KCNB2: variants seen among roughly 807,000 people sequenced by gnomAD.
KCNB2 encodes delayed rectifier potassium channel protein.
KCNB2 carries 15 observed loss-of-function variants against 61.5 expected under a neutral mutation model. The observed-to-expected ratio is 0.24, with a 90% confidence interval of 0.16 to 0.38. The LOEUF (loss-of-function observed/expected upper bound fraction) is 0.38, where lower values mean the gene tolerates loss of function less well. Among genes scored for constraint, KCNB2 ranks in the 10% least tolerant of loss-of-function variants. The pLI is 1.00. For synonymous variants in KCNB2, 457 were observed against 446.0 expected (o/e 1.02, Z -0.31); for missense variants, 828 against 1,125.2 (o/e 0.74, Z 3.78).
chr8:72,542,734 G>T (rs897357755), intron 1 of KCNB2, among the ~76,000 whole-genome samples: 1 of 152,082 alleles, frequency 6.6e-6, no homozygotes, highest in Non-Finnish European at 1.5e-5. Context: ...TGAAGGAAGC[G>T]ATATAAGAGT....
chr8:72,737,529 T>C (rs987000317), intron 2 of KCNB2, among the ~76,000 whole-genome samples: 6 of 152,206 alleles, frequency 3.9e-5, no homozygotes, highest in African/African-American at 1.4e-4. Context: ...TGATGTTTTC[T>C]AGTACATAGC....
intron 2 of KCNB2, among the ~76,000 whole-genome samples, chr8:72,763,549 A>G (rs1269000207): frequency 6.6e-6 from 1 of 152,180 alleles, no homozygotes; most frequent in Non-Finnish European, 1.5e-5. Context: ...CTGAAACACA[A>G]AACCCAAGGA....
In KCNB2 at chr8:72,731,540, A is replaced by G. The variant is rs556818364; in HGVS notation, c.579+163227A>G. 9.2e-5 allele frequency among the ~76,000 whole-genome samples: 14 copies of G among 152,354 alleles called. No homozygotes were observed. The South Asian group carries it at 2.9e-3, about 32-fold the overall frequency. ...AGCTTCATATAAAAGTTACTAGTTT[A>G]GGAGCTGCTTTGGGCAAGGCCACTT... On this transcript the variant is annotated intron_variant, in intron 2 of 2. Transcript: ENST00000523207.
intron 2 of KCNB2, among the ~76,000 whole-genome samples, chr8:72,832,731 G>C (rs1046641312): frequency 2.4e-4 from 36 of 152,190 alleles, no homozygotes; most frequent in Non-Finnish European, 2.9e-5. Flanking sequence ...GCAGTAACCA[G>C]AGAATAAGTG....
Position 72,935,918 on chromosome 8 carries a change from A to ACTTTTCC in KCNB2, c.580-11_580-10insCCTTTTC. ...CAACTAAGAGGATTTGCTGACTTGG[A>ACTTTTCC]CTTTTCTCTTTTCCAGATCCTGGCC... On this transcript the variant is annotated splice_polypyrimidine_tract_variant and intron_variant, in intron 2 of 2. Coordinates refer to ENST00000523207, the MANE Select transcript of KCNB2 (RefSeq NM_004770.3). 1 of 1,596,844 alleles carries ACTTTTCC rather than the reference A, an allele frequency of 6.3e-7. No individual in the cohort carries two copies. Among genetic ancestry groups the ACTTTTCC allele is most frequent in the Non-Finnish European group, 8.6e-7 (1 of 1,166,246 alleles).
At chr8:72,841,372 C>CTTTTTTTTTTTTTTTTTTTTTTTTTTT (rs769263287) in intron 2 of KCNB2, among the ~76,000 whole-genome samples, 2 of 34,226 alleles carry the variant, frequency 5.8e-5, no homozygotes, top group East Asian at 4.9e-4. Context: ...TTTTTTTTTT[C>CTTTTTTTTTTTTTTTTTTTTTTTTTTT]TTTTTTTTTT....
At chr8:72,805,148 G>A (rs904286821) in intron 2 of KCNB2, among the ~76,000 whole-genome samples, 1 of 152,132 alleles carries the variant, frequency 6.6e-6, no homozygotes, top group Non-Finnish European at 1.5e-5. Flanking sequence ...CACACGAAGT[G>A]CTCAGAGCCG....
intron 1 of KCNB2, among the ~76,000 whole-genome samples, chr8:72,551,955 G>A (rs4339690): frequency 0.62 from 93,655 of 151,864 alleles, 29,895 homozygotes; most frequent in Admixed American, 0.7. Flanking sequence ...AAATGGAACC[G>A]GGAGCCCAGT....
At chr8:72,884,881 C>T (rs1364775800) in intron 2 of KCNB2, among the ~76,000 whole-genome samples, 2 of 152,128 alleles carry the variant, frequency 1.3e-5, no homozygotes, top group African/African-American at 4.8e-5. Flanking sequence ...TCTTTTTAAC[C>T]TTTTGCTCCT....
At chr8:72,781,496 G>A (rs1422720073) in intron 2 of KCNB2, among the ~76,000 whole-genome samples, 1 of 152,120 alleles carries the variant, frequency 6.6e-6, no homozygotes, top group African/African-American at 2.4e-5. Flanking sequence ...GCTTTTGTCA[G>A]TTTTGTCAAA....
At chr8:72,587,589 G>A (rs1323357358) in intron 2 of KCNB2, among the ~76,000 whole-genome samples, 1 of 152,060 alleles carries the variant, frequency 6.6e-6, no homozygotes, top group Non-Finnish European at 1.5e-5. Flanking sequence ...AATTAGCTGG[G>A]TATGGTGTCC....
In KCNB2 at chr8:72,811,251, ACAACATATATGGTTT is replaced by A. The variant is rs148311657; in HGVS notation, c.580-124681_580-124667del. On this transcript the variant is annotated intron_variant, in intron 2 of 2. Coordinates refer to ENST00000523207, the MANE Select transcript of KCNB2 (RefSeq NM_004770.3). ...TAAAAGTATTTTATCCTTTTCTTCTACAACATATATGGTTTCATTTTTTTAAAACATGTAAATCTC... is the reference window on the plus strand; with the variant it reads ...TAAAAGTATTTTATCCTTTTCTTCTACATTTTTTTAAAACATGTAAATCTC... 8.2e-3 allele frequency among the ~76,000 whole-genome samples: 1,233 copies of A among 150,720 alleles called. 15 individuals carry two copies. Among genetic ancestry groups the A allele is most frequent in the African/African-American group, 0.028 (1,168 of 41,022 alleles).
At chr8:72,891,975 C>A (rs1383099106) in intron 2 of KCNB2, among the ~76,000 whole-genome samples, 1 of 151,976 alleles carries the variant, frequency 6.6e-6, no homozygotes, top group Non-Finnish European at 1.5e-5. Flanking sequence ...AATTTGGGAG[C>A]CTGGCAGGTG....
intron 2 of KCNB2, among the ~76,000 whole-genome samples, chr8:72,930,858 A>G (rs1208206748): frequency 6.6e-6 from 1 of 152,208 alleles, no homozygotes; most frequent in African/African-American, 2.4e-5. Context: ...TGTTTTAGAC[A>G]TGAAGTCCTT....
rs567629480 is a variant in KCNB2 at position 72,549,003 on chromosome 8, C to A, written c.-94+11118C>A. ...AGCCTTTTTCATTGTTATTTCTCAC[C>A]CTTATCCTCCCTGAAGAGTGGGCTG... On this transcript the variant is annotated intron_variant, in intron 1 of 2. Coordinates refer to ENST00000523207, the MANE Select transcript of KCNB2 (RefSeq NM_004770.3). Among the ~76,000 whole-genome samples the A allele has an allele frequency of 1.4e-4, 21 of 152,284 alleles. No homozygotes were observed. In the South Asian group the frequency reaches 4.4e-3, roughly 32 times the overall value.
Position 72,898,933 on chromosome 8 carries a change from T to C in KCNB2, c.580-37002T>C, listed in dbSNP as rs559132898. 2.3e-4 allele frequency among the ~76,000 whole-genome samples: 35 copies of C among 152,324 alleles called. No individual in the cohort carries two copies. The South Asian group carries it at 2.7e-3, about 12-fold the overall frequency. On this transcript the variant is annotated intron_variant, in intron 2 of 2. Coordinates refer to ENST00000523207, the MANE Select transcript of KCNB2 (RefSeq NM_004770.3). ...TCCTGCTTTATTTGGCTTAGAATTA[T>C]GGCCTCTAGCTTCATCCATTTCACT...
intron 1 of KCNB2, among the ~76,000 whole-genome samples, chr8:72,566,435 C>T (rs991174529): frequency 1.3e-5 from 2 of 151,980 alleles, no homozygotes; most frequent in Non-Finnish European, 2.9e-5. Flanking sequence ...CACGGTGGCT[C>T]ATGCCTGTAA....
intron 2 of KCNB2, among the ~76,000 whole-genome samples, chr8:72,604,330 TG>T (rs1486359041): frequency 1.3e-5 from 2 of 152,186 alleles, no homozygotes; most frequent in African/African-American, 4.8e-5. Flanking sequence ...GTAGAGATCA[TG>T]TCCTATTTGG....
At chr8:72,668,127 C>G (rs1806507818) in intron 2 of KCNB2, among the ~76,000 whole-genome samples, 2 of 152,248 alleles carry the variant, frequency 1.3e-5, no homozygotes, top group African/African-American at 4.8e-5. Flanking sequence ...CAGTTGCCCT[C>G]TTCCAGCAAT....
Sources: gnomAD v4.1 joint callset for allele counts (sites outside exome capture counted in the v4.1 genomes callset) on GRCh38, gnomAD v4.1.1 for gene constraint, MANE v1.5 for transcripts, NCBI Gene and HGNC (gene_info 2026-07-23, HGNC 2026-07-21) for gene names.